Variants in FNBP1L observed in about 807,000 individuals in gnomAD.
FNBP1L encodes formin-binding protein 1-like.
In FNBP1L, 36 loss-of-function variants were observed where a neutral mutation model predicts 91.2. That is an observed-to-expected ratio of 0.39 (90% confidence interval 0.30 to 0.52). FNBP1L has a LOEUF of 0.52. Among genes scored for constraint, FNBP1L ranks in the 20% least tolerant of loss-of-function variants. FNBP1L has a pLI of 0.66. For missense variants in FNBP1L, 571 were observed against 732.1 expected (o/e 0.78, Z 2.54); for synonymous variants, 242 against 237.0 (o/e 1.02, Z -0.19).
intron 2 of FNBP1L, among the ~76,000 whole-genome samples, chr1:93,503,316 G>C (rs1202989443): frequency 6.6e-6 from 1 of 152,066 alleles, no homozygotes; most frequent in East Asian, 1.9e-4. Flanking sequence ...CAAGATGGGG[G>C]AAACCGCCCC....
intron 2 of FNBP1L, among the ~76,000 whole-genome samples, chr1:93,520,252 A>G (rs1671278813): frequency 6.6e-6 from 1 of 152,214 alleles, no homozygotes; most frequent in Non-Finnish European, 1.5e-5. Context: ...TAGAATGAAT[A>G]AATTGATTCA....
rs1359594521 is a variant in FNBP1L, at chr1:93,512,623, C to G, written c.141-9459C>G. 5.3e-5 allele frequency among the ~76,000 whole-genome samples: 8 copies of G among 149,866 alleles called. No individual in the cohort carries two copies. The East Asian group carries it at 1.4e-3, about 26-fold the overall frequency. On this transcript the variant is annotated intron_variant, in intron 2 of 16. Coordinates refer to ENST00000271234, the MANE Select transcript of FNBP1L (RefSeq NM_001164473.3). ...AGAACTCAGGATTAAGAATCTCACT[C>G]AAAACCGCTCAACTACATGGAAACT...
chr1:93,530,581 AT>A (rs1369228989), intron 6 of FNBP1L, among the ~76,000 whole-genome samples, 173 bp from the exon 7 acceptor site: 1 of 141,444 alleles, frequency 7.1e-6, no homozygotes, highest in Admixed American at 6.7e-5. Flanking sequence ...GTCTTTAAAT[AT>A]AAAATATATT....
chr1:93,546,758 C>T (rs1364465162), intron 12 of FNBP1L, 84 bp from the exon 13 acceptor site: 16 of 1,436,478 alleles, frequency 1.1e-5, no homozygotes, highest in Admixed American at 2.1e-5. Context: ...AAGCTGCGTA[C>T]GAGTCCCCAG....
chr1:93,451,650 A>T (rs1282665017), intron 1 of FNBP1L, among the ~76,000 whole-genome samples: 1 of 152,020 alleles, frequency 6.6e-6, no homozygotes, highest in Non-Finnish European at 1.5e-5. Flanking sequence ...TCATCATATT[A>T]TTTATATTAT....
intron 2 of FNBP1L, among the ~76,000 whole-genome samples, chr1:93,510,315 G>A (rs1670785180): frequency 6.6e-6 from 1 of 151,910 alleles, no homozygotes; most frequent in Non-Finnish European, 1.5e-5. Context: ...CCCCCAAGCA[G>A]CCTAACTGGG....
chr1:93,504,095 C>A (rs1670526664), intron 2 of FNBP1L, among the ~76,000 whole-genome samples: 1 of 152,124 alleles, frequency 6.6e-6, no homozygotes, highest in Admixed American at 6.5e-5. Context: ...TTTCTCTACC[C>A]CATACCAAGC....
In FNBP1L at chr1:93,532,949, A is replaced by G. The variant is rs143226457; in HGVS notation, c.667A>G (p.Thr223Ala). Residue 223 changes from threonine (T) to alanine (A), a missense_variant, in exon 8 of 17, where the codon ACT (threonine) becomes GCT (alanine). Thr to Ala is a moderately conservative substitution (Grantham distance 58). Transcript: ENST00000271234. ...ACTACAAGAAATGGACGAACGAAGGACTATTAAACTCAGTGAGTGTTACAG... is the reference window on the plus strand; with the variant it reads ...ACTACAAGAAATGGACGAACGAAGGGCTATTAAACTCAGTGAGTGTTACAG... ...KQLQEMDERR[T>A]IKLSECYRGF... 6.2e-7 allele frequency: 1 copy of G among 1,605,980 alleles called. No homozygotes were observed. Among genetic ancestry groups the G allele is most frequent in the Non-Finnish European group, 8.5e-7 (1 of 1,175,930 alleles).
chr1:93,457,024 A>G (rs942701195), intron 1 of FNBP1L, among the ~76,000 whole-genome samples: 29 of 151,968 alleles, frequency 1.9e-4, no homozygotes, highest in Admixed American at 1.8e-3. Flanking sequence ...GAGTAGCAGG[A>G]CTACAGGTGC....
intron 2 of FNBP1L, among the ~76,000 whole-genome samples, chr1:93,505,835 C>T (rs956919885): frequency 5.9e-5 from 9 of 152,270 alleles, no homozygotes; most frequent in African/African-American, 1.7e-4. Flanking sequence ...CCTGCCACCA[C>T]GCCCAGCTAA....
intron 9 of FNBP1L, 34 bp from the exon 10 acceptor site, chr1:93,536,298 G>T: frequency 7.2e-7 from 1 of 1,397,440 alleles, no homozygotes; most frequent in Non-Finnish European, 9.4e-7. Flanking sequence ...ATGCACATTT[G>T]GCTTATTGAT....
intron 15 of FNBP1L, among the ~76,000 whole-genome samples, chr1:93,549,751 T>C (rs750744392): frequency 6.6e-6 from 1 of 152,204 alleles, no homozygotes; most frequent in Non-Finnish European, 1.5e-5. Flanking sequence ...AGCTTGAACA[T>C]GTAGCTCAAC....
intron 5 of FNBP1L, 41 bp from the exon 6 acceptor site, chr1:93,529,611 G>T: frequency 1.7e-6 from 2 of 1,205,322 alleles, no homozygotes; most frequent in South Asian, 1.6e-5. Flanking sequence ...AAGTTAGCCT[G>T]ATTTTATTTT....
intron 1 of FNBP1L, among the ~76,000 whole-genome samples, chr1:93,461,722 G>C (rs1183524274): frequency 1.3e-5 from 2 of 152,170 alleles, no homozygotes; most frequent in Non-Finnish European, 2.9e-5. Context: ...ATAGGTATAA[G>C]GTATGCCAAA....
At chr1:93,517,637 A>G (rs1176737968) in intron 2 of FNBP1L, among the ~76,000 whole-genome samples, 2 of 152,234 alleles carry the variant, frequency 1.3e-5, no homozygotes, top group Non-Finnish European at 1.5e-5. Context: ...GTGCATTCCA[A>G]TAAAATTTTG....
Position 93,544,258 on chromosome 1 carries a change from A to T in FNBP1L, c.1274+42A>T, listed in dbSNP as rs374142687. 1,226 of 1,425,606 alleles carry T rather than the reference A, an allele frequency of 8.6e-4. 22 individuals carry two copies. In the South Asian group the frequency reaches 0.013, roughly 15 times the overall value. The allele number at this position is 1,425,606 out of a possible 1,614,324, so 88.3% of individuals were successfully genotyped here. On this transcript the variant is annotated intron_variant, in intron 12 of 16. Transcript: ENST00000271234. ...TTTTCTCTATCATTATTATTTTAGG[A>T]TCTACTTTGAGTGACGCCCTTAAAT...
intron 11 of FNBP1L, among the ~76,000 whole-genome samples, chr1:93,542,163 C>A (rs1672068716): frequency 6.6e-6 from 1 of 151,802 alleles, no homozygotes; most frequent in African/African-American, 2.4e-5. Context: ...GTAATCCCAG[C>A]TATTTGGGAG....
chr1:93,516,492 C>T (rs1671121700), intron 2 of FNBP1L, among the ~76,000 whole-genome samples: 1 of 152,126 alleles, frequency 6.6e-6, no homozygotes, highest in Non-Finnish European at 1.5e-5. Flanking sequence ...GTCCCTTGAC[C>T]ACTAATAAAC....
intron 5 of FNBP1L, 102 bp downstream of exon 5, chr1:93,524,425 GTAT>G: frequency 1.3e-6 from 1 of 776,676 alleles, no homozygotes; most frequent in Non-Finnish European, 1.9e-6. Context: ...GTTTCTCAGT[GTAT>G]TATTAATAAT....
Sources: allele counts gnomAD v4.1 joint callset (sites outside exome capture counted in the v4.1 genomes callset), GRCh38; gene constraint gnomAD v4.1.1; transcripts MANE v1.5; gene names NCBI Gene and HGNC (gene_info 2026-07-23, HGNC 2026-07-21).